Variants in TMTC1 observed in about 807,000 individuals in gnomAD.
TMTC1 encodes transmembrane O-mannosyltransferase targeting cadherins 1.
TMTC1 carries 73 observed loss-of-function variants against 104.8 expected under a neutral mutation model. The ratio of observed to expected loss-of-function variants is 0.70; its 90% CI spans 0.58 to 0.85. The LOEUF is 0.85. Among genes scored for constraint, TMTC1 ranks in the 40% least tolerant of loss-of-function variants. TMTC1 has a pLI of 0.00. For missense variants in TMTC1, 1,035 were observed against 1,096.1 expected, an observed-to-expected ratio of 0.94 and a Z score of 0.79; for synonymous variants, 434 against 428.7, an observed-to-expected ratio of 1.01 and a Z score of -0.15.
intron 6 of TMTC1, among the ~76,000 whole-genome samples, chr12:29,620,942 G>A (rs565438023): frequency 1.4e-4 from 22 of 152,332 alleles, no homozygotes; most frequent in African/African-American, 2.2e-4. Context: ...CAGAAGGACC[G>A]TGGCAAGGCA....
intron 5 of TMTC1, among the ~76,000 whole-genome samples, chr12:29,705,232 C>T (rs1276266189): frequency 6.6e-6 from 1 of 152,196 alleles, no homozygotes. Flanking sequence ...CCCGGGTGCA[C>T]AGGTGGCCCA....
At chr12:29,729,639 G>A (rs1279612845) in intron 5 of TMTC1, among the ~76,000 whole-genome samples, 4 of 152,156 alleles carry the variant, frequency 2.6e-5, no homozygotes, top group Non-Finnish European at 5.9e-5. Flanking sequence ...TTCCTCTGCT[G>A]TGACTTCCAT....
rs776203615 is a variant in TMTC1, at chr12:29,569,714, G to A, written c.1532+2391C>T. Among the ~76,000 whole-genome samples, 6 of 152,186 alleles carry A rather than the reference G, an allele frequency of 3.9e-5. No homozygotes were observed. The South Asian group carries it at 6.2e-4, about 16-fold the overall frequency. On this transcript the variant is annotated intron_variant, in intron 9 of 17. Transcript: ENST00000539277. ...AACAACAACAAAAATACCCACATCC[G>A]TTGAAAATTCACCACAGAGGTATCC...
intron 5 of TMTC1, among the ~76,000 whole-genome samples, chr12:29,682,501 A>C (rs1940954348): frequency 6.6e-6 from 1 of 152,198 alleles, no homozygotes; most frequent in African/African-American, 2.4e-5. Flanking sequence ...AAAAACCAAA[A>C]TGTACCACAG....
At chr12:29,735,713 C>CA (rs1458058309) in intron 5 of TMTC1, among the ~76,000 whole-genome samples, 1 of 152,198 alleles carries the variant, frequency 6.6e-6, no homozygotes, top group Non-Finnish European at 1.5e-5. Context: ...CAAAGCCTCA[C>CA]AATGTACATT....
At chr12:29,650,446 C>A (rs1759897076) in intron 5 of TMTC1, among the ~76,000 whole-genome samples, 1 of 152,082 alleles carries the variant, frequency 6.6e-6, no homozygotes, top group South Asian at 2.1e-4. Context: ...AGGTGAGACA[C>A]CCGGGCCTCA....
rs79468641 is a variant in TMTC1, at chr12:29,601,486, G to C, written c.1250+2692C>G. 7.4e-3 allele frequency among the ~76,000 whole-genome samples: 1,121 copies of C among 152,246 alleles called. 6 individuals are homozygous for C. The highest frequency in any genetic ancestry group is 0.012 in the Non-Finnish European group (823 of 68,032). On this transcript the variant is annotated intron_variant, in intron 7 of 17. Coordinates refer to ENST00000539277, the MANE Select transcript of TMTC1 (RefSeq NM_001193451.2). ...AGCTCCTGAAGAACTAGATATTAGGGCTCTTAGAAGCTTGATCACCACATG... is the reference window on the plus strand; with the variant it reads ...AGCTCCTGAAGAACTAGATATTAGGCCTCTTAGAAGCTTGATCACCACATG...
chr12:29,539,028 A>G (rs1944721485), intron 10 of TMTC1, among the ~76,000 whole-genome samples: 1 of 152,178 alleles, frequency 6.6e-6, no homozygotes, highest in Non-Finnish European at 1.5e-5. Context: ...CAATAAGTTG[A>G]TAAGTGGTGA....
intron 5 of TMTC1, among the ~76,000 whole-genome samples, chr12:29,728,650 G>C (rs534983805): frequency 2.6e-5 from 4 of 152,128 alleles, no homozygotes; most frequent in Non-Finnish European, 5.9e-5. Context: ...CGCTGAACCA[G>C]GAATTATTTT....
chr12:29,678,393 A>C (rs1940802468), intron 5 of TMTC1, among the ~76,000 whole-genome samples: 1 of 152,222 alleles, frequency 6.6e-6, no homozygotes, highest in Non-Finnish European at 1.5e-5. Context: ...TGGACGTGAC[A>C]GGCAACAATT....
chr12:29,783,394 G>A lies in TMTC1; in HGVS notation c.302+56C>T, dbSNP rs1943881132. Reference sequence around the variant, plus strand: ...AGTCCCGCAACTTCTCCCGGTCCGAGGGACGGGCGGAGGGTAGAGGAGGCA... The same window carrying A: ...AGTCCCGCAACTTCTCCCGGTCCGAAGGACGGGCGGAGGGTAGAGGAGGCA... On this transcript the variant is annotated intron_variant, in intron 1 of 17. Coordinates refer to ENST00000539277, the MANE Select transcript of TMTC1 (RefSeq NM_001193451.2). The surrounding 1 kb of genome is among the most constrained non-coding windows in gnomAD (Gnocchi z 4.7). The A allele has an allele frequency of 2.4e-6, 3 of 1,260,676 alleles. No homozygotes were observed. Among genetic ancestry groups the A allele is most frequent in the South Asian group, 2.8e-5 (1 of 35,930 alleles). The allele number at this position is 1,260,676 out of a possible 1,614,324, so 78.1% of individuals were successfully genotyped here.
At chr12:29,625,416 C>G (rs1488579883) in intron 6 of TMTC1, among the ~76,000 whole-genome samples, 1 of 152,162 alleles carries the variant, frequency 6.6e-6, no homozygotes, top group South Asian at 2.1e-4. Flanking sequence ...AAAGTGAAAC[C>G]AGGCCACAAA....
intron 6 of TMTC1, among the ~76,000 whole-genome samples, chr12:29,609,075 G>C (rs529025590): frequency 6.6e-6 from 1 of 152,164 alleles, no homozygotes; most frequent in East Asian, 1.9e-4. Flanking sequence ...CTTCCAGAGA[G>C]GTGGAAAATA....
intron 7 of TMTC1, among the ~76,000 whole-genome samples, chr12:29,584,353 T>C (rs1051870837): frequency 1.3e-5 from 2 of 152,194 alleles, no homozygotes; most frequent in Non-Finnish European, 2.9e-5. Context: ...AACTTGTAGT[T>C]TGTACCCATT....
At chr12:29,554,887 C>A (rs568383410) in intron 10 of TMTC1, among the ~76,000 whole-genome samples, 1 of 151,946 alleles carries the variant, frequency 6.6e-6, no homozygotes, top group African/African-American at 2.4e-5. Flanking sequence ...AGAAGCACAC[C>A]GAATGTGTTT....
intron 17 of TMTC1, 138 bp downstream of exon 17, chr12:29,511,905 T>C (rs546431249): frequency 9.4e-5 from 81 of 863,224 alleles, no homozygotes; most frequent in Middle Eastern, 2.2e-4. Flanking sequence ...ATTTCACTTT[T>C]AAACTGCCAT....
intron 5 of TMTC1, among the ~76,000 whole-genome samples, chr12:29,670,660 G>A (rs1210997067): frequency 6.6e-6 from 1 of 152,098 alleles, no homozygotes; most frequent in Non-Finnish European, 1.5e-5. Context: ...TCAGTGTGGT[G>A]GCTCATGCCT....
rs868395356 is a variant in TMTC1, at chr12:29,744,510, A to G, written c.938+7156T>C. ...TAGTGCTAACTTTTGAATGAAGCCA[A>G]TAAGCACGTTGTTGAAATGATCCAC... On this transcript the variant is annotated intron_variant, in intron 5 of 17. Coordinates refer to ENST00000539277, the MANE Select transcript of TMTC1 (RefSeq NM_001193451.2). Among the ~76,000 whole-genome samples the G allele has an allele frequency of 2.1e-4, 32 of 152,248 alleles. 1 individual carries two copies. The highest frequency in any genetic ancestry group is 8.8e-5 in the Non-Finnish European group (6 of 68,046).
intron 11 of TMTC1, among the ~76,000 whole-genome samples, chr12:29,523,930 A>G (rs1359712814): frequency 6.6e-6 from 1 of 152,104 alleles, no homozygotes; most frequent in Non-Finnish European, 1.5e-5. Context: ...AAATAATGGC[A>G]TCTCCTAATT....
Sources: gnomAD v4.1 joint callset for allele counts (sites outside exome capture counted in the v4.1 genomes callset) on GRCh38, gnomAD v4.1.1 for gene constraint, Gnocchi (gnomAD v3.1) non-coding constraint, MANE v1.5 for transcripts, NCBI Gene and HGNC (gene_info 2026-07-23, HGNC 2026-07-21) for gene names.